The following CHIA variants were observed in gnomAD, a reference collection of about 807,000 sequenced individuals.
CHIA encodes the protein acidic mammalian chitinase.
CHIA carries 47 observed loss-of-function variants against 53.5 expected under a neutral mutation model. That is an observed-to-expected ratio of 0.88 (90% CI 0.70 to 1.12). CHIA has a LOEUF of 1.12. Among genes scored for constraint, CHIA ranks in the 50% most tolerant of loss-of-function variants. CHIA has a pLI of 0.00. For synonymous variants in CHIA, 268 were observed against 222.2 expected (o/e 1.21, Z -1.83); for missense variants, 652 against 592.2 (o/e 1.10, Z -1.05).
At chr1:111,315,082 A>T in intron 5 of CHIA, 188 bp from the exon 6 acceptor site, 1 of 570,102 alleles carries the variant, frequency 1.8e-6, no homozygotes. Flanking sequence ...GAATAAAGGG[A>T]ATGTTAAGAT....
intron 4 of CHIA, among the ~76,000 whole-genome samples, chr1:111,313,340 C>T (rs1366110261): frequency 1.3e-5 from 2 of 152,054 alleles, no homozygotes; most frequent in Non-Finnish European, 2.9e-5. Flanking sequence ...TGATAACAGC[C>T]ATTCTAAGCG....
intron 1 of CHIA, among the ~76,000 whole-genome samples, chr1:111,295,314 G>A (rs923255528): frequency 1.3e-5 from 2 of 152,190 alleles, no homozygotes; most frequent in Non-Finnish European, 2.9e-5. Flanking sequence ...CCAAAGTGCT[G>A]GGATTACAGG....
intron 6 of CHIA, chr1:111,316,500 T>TG (rs1299411479): frequency 2.0e-5 from 3 of 152,200 alleles, no homozygotes; most frequent in African/African-American, 7.2e-5. Flanking sequence ...GGAGATCAAC[T>TG]GGAAATAGGA....
rs886920406 is a variant in CHIA, at chr1:111,317,766, C to T, written c.566C>T (p.Ser189Phe). 2.2e-5 allele frequency: 35 copies of T among 1,613,644 alleles called. No individual in the cohort carries two copies. The highest frequency in any genetic ancestry group is 2.9e-5 in the Non-Finnish European group (34 of 1,180,030). The stretch of plus-strand genomic sequence containing the variant: ...ACTGCTGCAGTAGCTGCTGGCATCT[C>T]CAATATCCAGTCTGGCTATGAGATC... ...MVTAAVAAGI[S>F]NIQSGYEIPQ... is the part of the protein sequence containing the mutation. The change falls in exon 7 of 12, where the codon TCC (serine) becomes TTC (phenylalanine). Residue 189 changes from serine to phenylalanine, a missense_variant. By Grantham distance (155) the Ser-to-Phe change is radical. Coordinates refer to ENST00000369740, the MANE Select transcript of CHIA (RefSeq NM_201653.4).
At chr1:111,315,681 C>T (rs1649098791) in intron 6 of CHIA, 1 of 549,334 alleles carries the variant, frequency 1.8e-6, no homozygotes, top group Admixed American at 2.3e-5. Context: ...ATTTCATCTT[C>T]ATATTTACTC....
chr1:111,311,631 T>C (rs1436327210), intron 2 of CHIA, 58 bp from the exon 3 acceptor site: 42 of 1,589,380 alleles, frequency 2.6e-5, no homozygotes, highest in Non-Finnish European at 3.4e-5. Flanking sequence ...CCTTCAGAAT[T>C]AGATTCTACG....
intron 1 of CHIA, among the ~76,000 whole-genome samples, chr1:111,307,723 C>T (rs1351670932): frequency 6.6e-6 from 1 of 151,772 alleles, no homozygotes; most frequent in African/African-American, 2.4e-5. Context: ...CTCACTGCAA[C>T]CTCCGCCTCC....
intron 3 of CHIA, 62 bp from the exon 4 acceptor site, chr1:111,312,128 C>A: frequency 7.1e-7 from 1 of 1,400,742 alleles, no homozygotes; most frequent in Non-Finnish European, 1.0e-6. Context: ...AAGGCCAAAA[C>A]TCACAGCACA....
chr1:111,320,353 G>T lies in CHIA; in HGVS notation c.1318G>T (p.Val440Leu), dbSNP rs138073907. 4 of 1,614,236 alleles carry T rather than the reference G, an allele frequency of 2.5e-6. No individual in the cohort carries two copies. In the African/African-American group the frequency reaches 5.3e-5, roughly 22 times the overall value. ...TGTCAGAGCCAACGGCCTCTACCCC[G>T]TGGCAAATAACAGAAATGCCTTCTG... ...CAVRANGLYP[V>L]ANNRNAFWHC... The change falls in exon 12 of 12, where the codon GTG becomes TTG. Residue 440 changes from valine (V) to leucine (L), a missense_variant. Coordinates refer to ENST00000369740, the MANE Select transcript of CHIA (RefSeq NM_201653.4).
At chr1:111,307,638 T>C (rs1648288475) in intron 1 of CHIA, among the ~76,000 whole-genome samples, 1 of 151,772 alleles carries the variant, frequency 6.6e-6, no homozygotes, top group Non-Finnish European at 1.5e-5. Context: ...TTTTCATTTT[T>C]ACTTTTTTTT....
Position 111,320,352 on chromosome 1 carries a change from C to T in CHIA, c.1317C>T (p.Pro439=), listed in dbSNP as rs1331056475. Residue 439 remains proline, a synonymous_variant, in exon 12 of 12, where the codon CCC becomes CCT. Transcript: ENST00000369740. ...FCAVRANGLY[P]VANNRNAFWH... Reference sequence around the variant, plus strand: ...CTGTCAGAGCCAACGGCCTCTACCCCGTGGCAAATAACAGAAATGCCTTCT... The same window carrying T: ...CTGTCAGAGCCAACGGCCTCTACCCTGTGGCAAATAACAGAAATGCCTTCT... The T allele has an allele frequency of 5.0e-6, 8 of 1,614,048 alleles. No homozygotes were observed. The highest frequency in any genetic ancestry group is 3.3e-5 in the Admixed American group (2 of 60,000).
intron 4 of CHIA, among the ~76,000 whole-genome samples, chr1:111,313,899 A>T (rs1040758310): frequency 1.3e-5 from 2 of 152,218 alleles, no homozygotes; most frequent in Non-Finnish European, 2.9e-5. Flanking sequence ...AGCTACTAGA[A>T]TTTAAGTTAC....
At chr1:111,307,315 A>C (rs1186988057) in intron 1 of CHIA, among the ~76,000 whole-genome samples, 1 of 152,254 alleles carries the variant, frequency 6.6e-6, no homozygotes. Context: ...ATAAATCTCA[A>C]AAACAATGCT....
chr1:111,294,046 C>T (rs1571258153), intron 1 of CHIA, among the ~76,000 whole-genome samples: 2 of 152,200 alleles, frequency 1.3e-5, no homozygotes, highest in African/African-American at 4.8e-5. Flanking sequence ...CATGCCACTG[C>T]ACTCGAGCCT....
Position 111,315,338 on chromosome 1 carries a change from G to A in CHIA, c.383G>A (p.Arg128His), listed in dbSNP as rs140031055. 1.6e-4 allele frequency: 264 copies of A among 1,613,514 alleles called. No homozygotes were observed. Among genetic ancestry groups the A allele is most frequent in the Middle Eastern group, 6.8e-4 (4 of 5,888 alleles). Residue 128 changes from arginine (R) to histidine (H), a missense_variant, in exon 6 of 12, where the codon CGC becomes CAC. Transcript: ENST00000369740. ...ATCACCTCAGTCATCAAATTCCTGC[G>A]CCAGTATGAGTTTGACGGGCTGGAC... ...TFITSVIKFL[R>H]QYEFDGLDFD...
At chr1:111,306,760 G>A (rs937767759) in intron 1 of CHIA, among the ~76,000 whole-genome samples, 1 of 152,058 alleles carries the variant, frequency 6.6e-6, no homozygotes, top group Non-Finnish European at 1.5e-5. Context: ...ATAAACTTGT[G>A]GGCAGCACAA....
chr1:111,292,428 T>A (rs949324807), intron 1 of CHIA, among the ~76,000 whole-genome samples: 4 of 152,192 alleles, frequency 2.6e-5, no homozygotes, highest in African/African-American at 4.8e-5. Context: ...TGGACAGATG[T>A]GGGAGAATGC....
intron 1 of CHIA, among the ~76,000 whole-genome samples, chr1:111,308,641 C>T (rs999508856): frequency 6.6e-6 from 1 of 152,066 alleles, no homozygotes; most frequent in African/African-American, 2.4e-5. Context: ...AGTGCCCTGC[C>T]CTTTCCCTAA....
chr1:111,301,494 T>C (rs1647727460), intron 1 of CHIA, among the ~76,000 whole-genome samples: 1 of 151,614 alleles, frequency 6.6e-6, no homozygotes, highest in South Asian at 2.1e-4. Flanking sequence ...GGTCAGGAGA[T>C]CAAGACCATC....
Sources: allele counts gnomAD v4.1 joint callset (sites outside exome capture counted in the v4.1 genomes callset), GRCh38; gene constraint gnomAD v4.1.1; transcripts MANE v1.5; gene names NCBI Gene and HGNC (gene_info 2026-07-23, HGNC 2026-07-21).